Variants in MACF1 observed in about 807,000 individuals in gnomAD.
MACF1 encodes microtubule actin crosslinking factor 1.
A neutral mutation model predicts 854.8 loss-of-function variants in MACF1; 193 were observed. The ratio of observed to expected loss-of-function variants is 0.23; its 90% CI spans 0.20 to 0.25. The LOEUF is 0.25. MACF1 is among the 10% of genes least tolerant of loss of function. The pLI is 1.00. For synonymous variants in MACF1, 3,185 were observed against 3,226.7 expected (o/e 0.99, Z 0.44); for missense variants, 7,722 against 8,929.1 (o/e 0.86, Z 5.45).
Position 39,300,236 on chromosome 1 carries a change from C to T in MACF1, c.2508C>T (p.Ser836=), listed in dbSNP as rs754660204. ...SMDEKEQLIQ[S]KSSVASLVGR... Reference sequence around the variant, plus strand: ...ATGAAAAGGAGCAGCTTATACAGTCCAAGAGTTCCGTTGCCAGTCTCGTTG... The same window carrying T: ...ATGAAAAGGAGCAGCTTATACAGTCTAAGAGTTCCGTTGCCAGTCTCGTTG... Residue 836 remains serine (S), a synonymous_variant, in exon 22 of 101, where the codon TCC becomes TCT. Transcript: ENST00000564288. 10 of 1,613,698 alleles carry T rather than the reference C, an allele frequency of 6.2e-6. No homozygotes were observed. The East Asian group carries it at 1.3e-4, about 22-fold the overall frequency.
intron 58 of MACF1, among the ~76,000 whole-genome samples, chr1:39,397,019 T>C (rs780029259): frequency 6.6e-6 from 1 of 152,238 alleles, no homozygotes; most frequent in Non-Finnish European, 1.5e-5. Flanking sequence ...ACCAGTCATG[T>C]CATTTGAAAT....
In MACF1 at chr1:39,458,503, C is replaced by G. The variant is rs765364312; in HGVS notation, c.21196+13C>G. 3 of 1,609,796 alleles carry G rather than the reference C, an allele frequency of 1.9e-6. No individual in the cohort carries two copies. Among genetic ancestry groups the G allele is most frequent in the Non-Finnish European group, 2.5e-6 (3 of 1,177,952 alleles). ...CGCAGCGGAGGCAGTATGTTTCCAG[C>G]CCCCTGTGTTAGGATGCTTCATTCC... On this transcript the variant is annotated intron_variant, in intron 90 of 100. Transcript: ENST00000564288.
chr1:39,330,058 G>T (rs1035041119), intron 36 of MACF1, among the ~76,000 whole-genome samples: 1 of 152,138 alleles, frequency 6.6e-6, no homozygotes. Flanking sequence ...TCAAACAATT[G>T]TTTTCATAGG....
At chr1:39,385,372 A>G in intron 56 of MACF1, 62 bp from the exon 57 acceptor site, 6 of 1,561,548 alleles carry the variant, frequency 3.8e-6, no homozygotes, top group Middle Eastern at 3.6e-4. Flanking sequence ...CTGGCCTGAC[A>G]CTGCTTTTAG....
chr1:39,269,011 T>C, intron 6 of MACF1: 1 of 1,288,294 alleles, frequency 7.8e-7, no homozygotes, highest in Non-Finnish European at 1.0e-6. Context: ...CGGGGGATGA[T>C]AGTACAGGTA....
At chr1:39,101,690 GGC>G (rs1642081979) in intron 2 of MACF1, among the ~76,000 whole-genome samples, 1 of 151,352 alleles carries the variant, frequency 6.6e-6, no homozygotes, top group African/African-American at 2.4e-5. Context: ...TGGGCATGGT[GGC>G]GGGCGCCTGT....
In MACF1 at chr1:39,434,406, TCACATA is replaced by T; in HGVS notation, c.17566-7_17566-2del. 8.0e-7 allele frequency: 1 copy of T among 1,256,116 alleles called. No individual in the cohort carries two copies. Among genetic ancestry groups the T allele is most frequent in the Non-Finnish European group, 1.1e-6 (1 of 895,566 alleles). 77.8% of individuals were successfully genotyped at this position (1,256,116 alleles called of 1,614,324 possible). On this transcript the variant is annotated splice_acceptor_variant and splice_polypyrimidine_tract_variant and intron_variant, in intron 68 of 100. Coordinates refer to ENST00000564288, the MANE Select transcript of MACF1 (RefSeq NM_001394062.1). LOFTEE classifies it high-confidence loss of function. ...TTATCCTTTTTTTTTTTTTTTTTGC[TCACATA>T]GGAAAAGACAGAGTCTCTAATACAG...
At chr1:39,197,017 G>C (rs1412838755) in intron 2 of MACF1, among the ~76,000 whole-genome samples, 2 of 152,066 alleles carry the variant, frequency 1.3e-5, no homozygotes, top group African/African-American at 4.8e-5. Context: ...GATATCCTGG[G>C]GGGTGCTAAA....
intron 15 of MACF1, among the ~76,000 whole-genome samples, chr1:39,287,771 A>G (rs189710158): frequency 1.2e-4 from 18 of 152,278 alleles, no homozygotes; most frequent in Admixed American, 4.6e-4. Context: ...TCTCTTGAGT[A>G]GCTGGGACAA....
At position 39,461,981 on chromosome 1, in the gene MACF1, C is replaced by T; in HGVS notation, c.21622C>T (p.His7208Tyr). The change falls in exon 93 of 101, where the codon CAT (histidine) becomes TAT (tyrosine). Residue 7208 changes from histidine to tyrosine, a missense_variant. Transcript: ENST00000564288. Reference protein sequence around the residue: ...IDYYEFVAALHPNKDAYRPTT... With the variant: ...IDYYEFVAALYPNKDAYRPTT... ...TTATTATGAATTTGTGGCTGCTCTT[C>T]ATCCCAACAAGGATGCGTATCGACC... 1 of 1,613,964 alleles carries T rather than the reference C, an allele frequency of 6.2e-7. No individual in the cohort carries two copies. The highest frequency in any genetic ancestry group is 8.5e-7 in the Non-Finnish European group (1 of 1,179,986).
chr1:39,284,552 A>C (rs555618678), intron 11 of MACF1, 124 bp downstream of exon 11: 5 of 520,418 alleles, frequency 9.6e-6, no homozygotes, highest in African/African-American at 5.9e-5. Flanking sequence ...TCCTGGTGAC[A>C]AATAATAGCA....
intron 35 of MACF1, among the ~76,000 whole-genome samples, chr1:39,326,284 G>T (rs1230781155): frequency 6.6e-6 from 1 of 152,232 alleles, no homozygotes; most frequent in East Asian, 1.9e-4. Context: ...GGATTCATCA[G>T]ATTCAAGAGG....
In MACF1 at chr1:39,477,090, T is replaced by TATACAC. The variant is rs1350608847; in HGVS notation, c.21959-2707_21959-2706insTACACA. ...ATATATATATATATATATATATATA[T>TATACAC]ACACACACACACATATATACACTTA... is the stretch of plus-strand genomic sequence containing the variant. On this transcript the variant is annotated intron_variant, in intron 97 of 100. Transcript: ENST00000564288. 1.9e-3 allele frequency among the ~76,000 whole-genome samples: 49 copies of TATACAC among 26,260 alleles called. 1 individual carries two copies. Among genetic ancestry groups the TATACAC allele is most frequent in the Non-Finnish European group, 3.1e-3 (43 of 13,812 alleles). The allele number at this position is 26,260 out of a possible 152,430, so 17.2% of individuals were successfully genotyped here. A position where few individuals can be genotyped will look rare whatever the true frequency, so the allele number is the denominator to read the frequency against.
chr1:39,401,299 C>T (rs183045625), intron 58 of MACF1, among the ~76,000 whole-genome samples: 3 of 152,236 alleles, frequency 2.0e-5, no homozygotes, highest in South Asian at 2.1e-4. Flanking sequence ...ACTCAGTTGC[C>T]CATTAGATCA....
At chr1:39,255,446 G>C (rs1156930035) in intron 5 of MACF1, among the ~76,000 whole-genome samples, 2 of 152,142 alleles carry the variant, frequency 1.3e-5, no homozygotes, top group African/African-American at 2.4e-5. Flanking sequence ...GGGATATCTA[G>C]GGTTGCCAAG....
At chr1:39,349,692 G>A (rs1174875495) in intron 42 of MACF1, 65 bp downstream of exon 42, 1 of 1,542,458 alleles carries the variant, frequency 6.5e-7, no homozygotes, top group Non-Finnish European at 8.8e-7. Context: ...GAGTACAGTG[G>A]TGTTATCTTG....
chr1:39,220,939 G>A (rs773760150), intron 1 of MACF1, among the ~76,000 whole-genome samples: 40 of 152,280 alleles, frequency 2.6e-4, no homozygotes, highest in South Asian at 2.1e-4. Flanking sequence ...GCATCCAAAG[G>A]TGGCTGACAT....
intron 47 of MACF1, among the ~76,000 whole-genome samples, chr1:39,360,015 ATATATAT>A (rs1557608891): frequency 8.8e-4 from 28 of 31,950 alleles, no homozygotes; most frequent in Middle Eastern, 0.013. Context: ...AAAAAAAAAT[ATATATAT>A]ATATATATAT....
At chr1:39,101,121 C>T (rs1305777673) in intron 2 of MACF1, among the ~76,000 whole-genome samples, 1 of 151,026 alleles carries the variant, frequency 6.6e-6, no homozygotes, top group Non-Finnish European at 1.5e-5. Context: ...CTTTGGGAAG[C>T]CGAGGTGGAT....
Sources: allele counts gnomAD v4.1 joint callset (sites outside exome capture counted in the v4.1 genomes callset), GRCh38; gene constraint gnomAD v4.1.1; transcripts MANE v1.5; gene names NCBI Gene and HGNC (gene_info 2026-07-23, HGNC 2026-07-21).